Variants in STXBP3 observed in about 807,000 individuals in gnomAD.
The protein encoded by STXBP3 is syntaxin binding protein 3.
In STXBP3, 41 loss-of-function variants were observed where a neutral mutation model predicts 85.7. The ratio of observed to expected loss-of-function variants is 0.48; its 90% confidence interval spans 0.37 to 0.62. STXBP3 has a LOEUF of 0.62. STXBP3 is among the 20% of genes least tolerant of loss of function. The pLI is 0.00. For missense variants in STXBP3, 563 were observed against 703.1 expected, an observed-to-expected ratio of 0.80 and a Z score of 2.25; for synonymous variants, 229 against 231.7, an observed-to-expected ratio of 0.99 and a Z score of 0.10.
intron 7 of STXBP3, among the ~76,000 whole-genome samples, chr1:108,774,551 T>C (rs1015753255): frequency 1.3e-5 from 2 of 152,072 alleles, no homozygotes; most frequent in Admixed American, 6.6e-5. Context: ...TCCTTGGAGA[T>C]TAAGTTATCT....
chr1:108,783,578 T>G (rs551113164), intron 11 of STXBP3, among the ~76,000 whole-genome samples: 15 of 152,346 alleles, frequency 9.8e-5, no homozygotes, highest in African/African-American at 3.4e-4. Flanking sequence ...GATGGACATT[T>G]AGTTTGTTTC....
intron 16 of STXBP3, among the ~76,000 whole-genome samples, chr1:108,798,725 T>C (rs896267524): frequency 6.6e-6 from 1 of 152,096 alleles, no homozygotes; most frequent in African/African-American, 2.4e-5. Context: ...AAGATTCTTT[T>C]CTTAAAGACC....
chr1:108,779,126 T>C (rs1406441633), intron 8 of STXBP3, among the ~76,000 whole-genome samples, 160 bp from the exon 9 acceptor site: 1 of 152,186 alleles, frequency 6.6e-6, no homozygotes, highest in Non-Finnish European at 1.5e-5. Context: ...TAACTTCACA[T>C]TCTTAAGACA....
At chr1:108,807,731 C>T (rs2101141787) in intron 18 of STXBP3, among the ~76,000 whole-genome samples, 182 bp downstream of exon 18, 1 of 152,148 alleles carries the variant, frequency 6.6e-6, no homozygotes, top group African/African-American at 2.4e-5. Flanking sequence ...TGTCTGCCAC[C>T]ACGCCTGGCT....
At position 108,771,790 on chromosome 1, in the gene STXBP3, C is replaced by CTATATATATCATATATAAATATATGA. The variant is rs1557806011; in HGVS notation, c.439-872_439-871insATATATCATATATAAATATATGATAT. 1.5e-4 allele frequency among the ~76,000 whole-genome samples: 5 copies of CTATATATATCATATATAAATATATGA among 32,888 alleles called. 1 individual carries two copies. The highest frequency in any genetic ancestry group is 6.8e-4 in the African/African-American group (5 of 7,356). The allele number at this position is 32,888 out of a possible 152,430, so 21.6% of individuals were successfully genotyped here. A position where few individuals can be genotyped will look rare whatever the true frequency, so the allele number is the denominator to read the frequency against. ...TATATCATATATAAATATATGATAT[C>CTATATATATCATATATAAATATATGA]TATCTATATATATCATATATAAATA... On this transcript the variant is annotated intron_variant, in intron 6 of 18. Coordinates refer to ENST00000370008, the MANE Select transcript of STXBP3 (RefSeq NM_007269.4).
intron 18 of STXBP3, among the ~76,000 whole-genome samples, 168 bp from the exon 19 acceptor site, chr1:108,808,615 A>G (rs1283063961): frequency 6.6e-6 from 1 of 152,262 alleles, no homozygotes; most frequent in Non-Finnish European, 1.5e-5. Context: ...GTGAAGAAGG[A>G]TTGAAATATT....
At chr1:108,793,111 A>T (rs1269069228) in intron 11 of STXBP3, among the ~76,000 whole-genome samples, 1 of 135,304 alleles carries the variant, frequency 7.4e-6, no homozygotes, top group Non-Finnish European at 1.6e-5. Context: ...TCTTTTTAGC[A>T]CTCTGCTTCC....
chr1:108,758,647 C>A, intron 5 of STXBP3, 59 bp downstream of exon 5: 5 of 1,008,734 alleles, frequency 5.0e-6, no homozygotes, highest in Admixed American at 2.8e-5. Context: ...TTTAAACTGT[C>A]GACTTTTTAA....
chr1:108,763,307 C>A (rs747147919), intron 6 of STXBP3, among the ~76,000 whole-genome samples: 1 of 152,072 alleles, frequency 6.6e-6, no homozygotes, highest in African/African-American at 2.4e-5. Context: ...ATTGGATAAC[C>A]CCTTTTATCC....
intron 11 of STXBP3, among the ~76,000 whole-genome samples, chr1:108,790,432 C>T (rs1187153778): frequency 1.3e-5 from 2 of 151,918 alleles, no homozygotes; most frequent in Non-Finnish European, 2.9e-5. Flanking sequence ...TATCTTTTCC[C>T]ATCCTTTACT....
intron 6 of STXBP3, among the ~76,000 whole-genome samples, chr1:108,768,835 C>G (rs907749311): frequency 2.0e-5 from 3 of 152,148 alleles, no homozygotes; most frequent in African/African-American, 7.2e-5. Flanking sequence ...AAGATTAACT[C>G]ACTCATGGTG....
intron 16 of STXBP3, among the ~76,000 whole-genome samples, chr1:108,799,681 C>G (rs555249985): frequency 1.6e-3 from 242 of 151,914 alleles, no homozygotes; most frequent in Non-Finnish European, 2.9e-3. Context: ...GAGCATGAAC[C>G]TATTTACTTA....
At chr1:108,774,472 T>G (rs947118355) in intron 7 of STXBP3, among the ~76,000 whole-genome samples, 4 of 152,110 alleles carry the variant, frequency 2.6e-5, no homozygotes, top group African/African-American at 9.7e-5. Flanking sequence ...TGTAGTACTT[T>G]AAGTCACATT....
At chr1:108,764,516 G>A (rs530401665) in intron 6 of STXBP3, among the ~76,000 whole-genome samples, 3 of 152,226 alleles carry the variant, frequency 2.0e-5, no homozygotes, top group East Asian at 3.9e-4. Context: ...TCCCACCAAC[G>A]GAATGTGAGC....
At chr1:108,776,968 T>C (rs566850865) in intron 8 of STXBP3, among the ~76,000 whole-genome samples, 64 of 152,248 alleles carry the variant, frequency 4.2e-4, no homozygotes, top group African/African-American at 1.5e-3. Flanking sequence ...TTGGCACCAA[T>C]GTGAATTTAA....
intron 7 of STXBP3, among the ~76,000 whole-genome samples, chr1:108,773,206 G>C (rs1662506572): frequency 6.6e-6 from 1 of 152,060 alleles, no homozygotes; most frequent in Non-Finnish European, 1.5e-5. Flanking sequence ...TATCTAATCT[G>C]CCTATTCTAA....
intron 18 of STXBP3, among the ~76,000 whole-genome samples, chr1:108,808,104 G>A (rs953496065): frequency 3.9e-5 from 6 of 152,262 alleles, no homozygotes; most frequent in African/African-American, 1.2e-4. Context: ...TGTTCTGTAC[G>A]TTTGTTTAAC....
chr1:108,768,020 T>A (rs1239522097), intron 6 of STXBP3, among the ~76,000 whole-genome samples: 1 of 152,220 alleles, frequency 6.6e-6, no homozygotes, highest in Non-Finnish European at 1.5e-5. Context: ...ATTTTTTAGC[T>A]GGGCATATAT....
At chr1:108,772,583 T>TATGA in intron 6 of STXBP3, 82 bp from the exon 7 acceptor site, 1 of 546,968 alleles carries the variant, frequency 1.8e-6, no homozygotes, top group Non-Finnish European at 2.5e-6. Context: ...AATATATACA[T>TATGA]TATATATAAC....
Sources: gnomAD v4.1 joint callset for allele counts (sites outside exome capture counted in the v4.1 genomes callset) on GRCh38, gnomAD v4.1.1 for gene constraint, MANE v1.5 for transcripts, NCBI Gene and HGNC (gene_info 2026-07-23, HGNC 2026-07-21) for gene names.